LILRB1: variants seen among roughly 807,000 people sequenced by gnomAD.
The protein encoded by LILRB1 is leukocyte immunoglobulin-like receptor subfamily B member 1.
LILRB1 carries 59 observed loss-of-function variants against 74.6 expected under a neutral mutation model. That is an observed-to-expected ratio of 0.79 (90% CI 0.64 to 0.98). The LOEUF is 0.98. LILRB1 is among the 50% of genes least tolerant of loss of function. LILRB1 has a pLI of 0.00. For missense variants in LILRB1, 804 were observed against 822.6 expected (o/e 0.98, Z 0.28); for synonymous variants, 328 against 333.9 (o/e 0.98, Z 0.19).
Position 54,634,035 on chromosome 19 carries a change from T to C in LILRB1, c.1363+14T>C. On this transcript the variant is annotated intron_variant, in intron 9 of 14. Coordinates refer to ENST00000324602, the MANE Select transcript of LILRB1 (RefSeq NM_001081637.3). Reference sequence around the variant, plus strand: ...ATCCCCAGAGTGGTGAGTGACGGGCTCTGAGTGGGAGGTGGGCAGGGTCCA... The same window carrying C: ...ATCCCCAGAGTGGTGAGTGACGGGCCCTGAGTGGGAGGTGGGCAGGGTCCA... 6.3e-7 allele frequency: 1 copy of C among 1,584,950 alleles called. No homozygotes were observed. Among genetic ancestry groups the C allele is most frequent in the East Asian group, 2.3e-5 (1 of 44,020 alleles).
At chr19:54,618,259 T>G (rs931964621) in intron 1 of LILRB1, among the ~76,000 whole-genome samples, 5 of 152,168 alleles carry the variant, frequency 3.3e-5, no homozygotes, top group African/African-American at 1.2e-4. Context: ...GTTTCACTAC[T>G]AAAAATATAC....
chr19:54,631,341 C>T, intron 3 of LILRB1, 35 bp downstream of exon 3: 4 of 1,613,540 alleles, frequency 2.5e-6, no homozygotes, highest in Non-Finnish European at 3.4e-6. Flanking sequence ...GGTCCCTCCT[C>T]CTCACTGGGG....
chr19:54,620,006 A>G (rs2063413631), intron 1 of LILRB1, among the ~76,000 whole-genome samples: 2 of 150,910 alleles, frequency 1.3e-5, no homozygotes, highest in Non-Finnish European at 1.5e-5. Context: ...TAGTAGGAGT[A>G]TAAAATGTTT....
At chr19:54,619,475 A>G (rs1387084097) in intron 1 of LILRB1, among the ~76,000 whole-genome samples, 1 of 152,194 alleles carries the variant, frequency 6.6e-6, no homozygotes, top group Admixed American at 6.5e-5. Context: ...TTAGTAAAAT[A>G]TTAACTTATT....
At position 54,631,578 on chromosome 19, in the gene LILRB1, A is replaced by C; in HGVS notation, c.149A>C (p.Gln50Pro). ...TQGSPVTLRC[Q>P]GGQETQEYRL... ...GGGAGTCCTGTGACCCTCAGGTGTC[A>C]GGGGGGCCAGGAGACCCAGGAGTAC... Residue 50 changes from glutamine to proline, a missense_variant, in exon 4 of 15, where the codon CAG becomes CCG. Gln to Pro is a moderately conservative substitution (Grantham distance 76, BLOSUM62 -1). Transcript: ENST00000324602. 6.2e-7 allele frequency: 1 copy of C among 1,614,236 alleles called. No individual in the cohort carries two copies. The highest frequency in any genetic ancestry group is 8.5e-7 in the Non-Finnish European group (1 of 1,180,018).
intron 1 of LILRB1, among the ~76,000 whole-genome samples, chr19:54,619,263 G>C (rs2063392261): frequency 6.6e-6 from 1 of 152,064 alleles, no homozygotes; most frequent in Non-Finnish European, 1.5e-5. Flanking sequence ...TCAAGAAAGA[G>C]GGATATTTAG....
chr19:54,632,210 A>G lies in LILRB1; in HGVS notation c.634A>G (p.Ser212Gly). Residue 212 changes from serine to glycine, a missense_variant, in exon 5 of 15, where the codon AGT (serine) becomes GGT (glycine). Physicochemically the swap from Ser to Gly is moderately conservative, Grantham distance 56. Coordinates refer to ENST00000324602, the MANE Select transcript of LILRB1 (RefSeq NM_001081637.3). The part of the protein sequence containing the change: ...SNSPYEWSLP[S>G]DLLELLVLGV... Reference sequence around the variant, plus strand: ...CTCTCCCTATGAGTGGTCTCTACCCAGTGATCTCCTGGAGCTCCTGGTCCT... The same window carrying G: ...CTCTCCCTATGAGTGGTCTCTACCCGGTGATCTCCTGGAGCTCCTGGTCCT... 1.9e-6 allele frequency: 3 copies of G among 1,613,800 alleles called. No homozygotes were observed. The highest frequency in any genetic ancestry group is 1.7e-6 in the Non-Finnish European group (2 of 1,179,740).
Position 54,638,010 on chromosome 19 carries a change from A to G in LILRB1, c.*1132A>G, listed in dbSNP as rs150162975. On this transcript the variant is annotated 3_prime_UTR_variant, in exon 15 of 15. Transcript: ENST00000324602. ...GAAAAACATTGACTATAATAAAAAT[A>G]ATCTCGAGTTCACGAAGCTTCATTG... Among the ~76,000 whole-genome samples, 278 of 152,292 alleles carry G rather than the reference A, an allele frequency of 1.8e-3. 1 individual carries two copies. Among genetic ancestry groups the G allele is most frequent in the African/African-American group, 6.3e-3 (260 of 41,556 alleles).
chr19:54,624,524 G>A (rs1351114346), intron 1 of LILRB1, among the ~76,000 whole-genome samples: 2 of 152,144 alleles, frequency 1.3e-5, no homozygotes, highest in Admixed American at 1.3e-4. Context: ...TAGGTGGGAT[G>A]TGGGGCTTCT....
chr19:54,636,768 G>T lies in LILRB1; in HGVS notation c.1849G>T (p.Ala617Ser). 1.9e-6 allele frequency: 3 copies of T among 1,606,852 alleles called. No homozygotes were observed. Among genetic ancestry groups the T allele is most frequent in the Non-Finnish European group, 2.5e-6 (3 of 1,178,288 alleles). ...TGAAGCCCCCCAGGATGTGACCTAC[G>T]CCCAGCTGCACAGCTTGACCCTCAG... ...ASEAPQDVTY[A>S]QLHSLTLRRE... The change falls in exon 15 of 15, where the codon GCC becomes TCC. Residue 617 changes from alanine (A) to serine (S), a missense_variant. By Grantham distance (99) the Ala-to-Ser change is moderately conservative. Transcript: ENST00000324602.
upstream of LILRB1, among the ~76,000 whole-genome samples, chr19:54,616,856 G>C (rs2063322860): frequency 6.6e-6 from 1 of 152,160 alleles, no homozygotes; most frequent in Non-Finnish European, 1.5e-5. Flanking sequence ...GAAGTGATGA[G>C]GGGTGCTTGT....
upstream of LILRB1, among the ~76,000 whole-genome samples, chr19:54,626,063 T>C (rs1426261207): frequency 6.6e-6 from 1 of 152,262 alleles, no homozygotes; most frequent in East Asian, 1.9e-4. Flanking sequence ...CCCAGCATCC[T>C]CTTGGAAGAT....
At chr19:54,632,837 C>G (rs1222984746) in intron 6 of LILRB1, 77 bp downstream of exon 6, 1 of 1,376,156 alleles carries the variant, frequency 7.3e-7, no homozygotes, top group Non-Finnish European at 9.7e-7. Context: ...TAGTGATGGC[C>G]GGGATGAGGG....
chr19:54,636,569 G>A lies in LILRB1; in HGVS notation c.1729G>A (p.Ala577Thr). 1.9e-6 allele frequency: 3 copies of A among 1,611,518 alleles called. No individual in the cohort carries two copies. The highest frequency in any genetic ancestry group is 1.3e-5 in the African/African-American group (1 of 74,834). Residue 577 changes from alanine to threonine, a missense_variant, in exon 14 of 15, where the codon GCC becomes ACC. Physicochemically the swap from Ala to Thr is moderately conservative, Grantham distance 58. Transcript: ENST00000324602. ...ACACTCCAGACCTAGGAGAGAAATG[G>A]CCTCTCCTCCTTCCCCACTGTCTGG... ...VKHSRPRREMASPPSPLSGEF... is the reference protein window; with the variant it reads ...VKHSRPRREMTSPPSPLSGEF...
rs1568611885 is a variant in LILRB1, at chr19:54,636,889, GA to G, written c.*12del. The stretch of plus-strand genomic sequence containing the variant: ...CTGGCCATCCACTAGCCCAGGGGGG[GA>G]CGCAGACCCCACACTCCATGGAGTC... On this transcript the variant is annotated 3_prime_UTR_variant, in exon 15 of 15. Coordinates refer to ENST00000324602, the MANE Select transcript of LILRB1 (RefSeq NM_001081637.3). The G allele has an allele frequency of 6.2e-7, 1 of 1,611,718 alleles. No homozygotes were observed. The highest frequency in any genetic ancestry group is 8.5e-7 in the Non-Finnish European group (1 of 1,179,370).
At chr19:54,619,981 G>T (rs1420246613) in intron 1 of LILRB1, among the ~76,000 whole-genome samples, 2 of 148,526 alleles carry the variant, frequency 1.3e-5, no homozygotes, top group East Asian at 1.9e-4. Context: ...TGAAATTTGG[G>T]TTACTAAATT....
chr19:54,620,819 T>C (rs983630915), intron 1 of LILRB1, among the ~76,000 whole-genome samples: 10 of 152,236 alleles, frequency 6.6e-5, no homozygotes, highest in African/African-American at 2.4e-4. Context: ...ATGTCTGTGC[T>C]GTTGTGAATA....
chr19:54,632,015 T>G lies in LILRB1; in HGVS notation c.439T>G (p.Ser147Ala). 5.0e-6 allele frequency: 8 copies of G among 1,614,164 alleles called. No homozygotes were observed. The highest frequency in any genetic ancestry group is 6.8e-6 in the Non-Finnish European group (8 of 1,179,954). Residue 147 changes from serine (S) to alanine (A), a missense_variant, in exon 5 of 15, where the codon TCA becomes GCA. Physicochemically the swap from Ser to Ala is moderately conservative, Grantham distance 99. Coordinates refer to ENST00000324602, the MANE Select transcript of LILRB1 (RefSeq NM_001081637.3). ...SGGNVTLQCD[S>A]QVAFDGFILC... ...AGGGAATGTAACCCTCCAGTGTGAC[T>G]CACAGGTGGCATTTGATGGCTTCAT...
Position 54,634,109 on chromosome 19 carries a change from G to A in LILRB1, c.1363+88G>A, listed in dbSNP as rs1321499969. Reference sequence around the variant, plus strand: ...CCTAGGTTCAGTCTCCTCTGGAGGTGGTGATATAGACAGGCTCCTCCCCTG... The same window carrying A: ...CCTAGGTTCAGTCTCCTCTGGAGGTAGTGATATAGACAGGCTCCTCCCCTG... On this transcript the variant is annotated intron_variant, in intron 9 of 14. Coordinates refer to ENST00000324602, the MANE Select transcript of LILRB1 (RefSeq NM_001081637.3). 71 of 1,545,322 alleles carry A rather than the reference G, an allele frequency of 4.6e-5. No homozygotes were observed. The East Asian group carries it at 4.9e-4, about 11-fold the overall frequency.
Sources: allele counts gnomAD v4.1 joint callset (sites outside exome capture counted in the v4.1 genomes callset), GRCh38; gene constraint gnomAD v4.1.1; transcripts MANE v1.5; gene names NCBI Gene and HGNC (gene_info 2026-07-23, HGNC 2026-07-21).